Variants in PEX10 observed in about 807,000 individuals in gnomAD.
The protein encoded by PEX10 is peroxisome biogenesis factor 10.
PEX10 carries 32 observed loss-of-function variants against 38.0 expected under a neutral mutation model. That is an observed-to-expected ratio of 0.84 (90% CI 0.63 to 1.13). The LOEUF is 1.13. Among genes scored for constraint, PEX10 ranks in the 50% most tolerant of loss-of-function variants. The pLI is 0.00. For missense variants in PEX10, 483 were observed against 457.7 expected (o/e 1.06, Z -0.51); for synonymous variants, 206 against 207.3 (o/e 0.99, Z 0.05).
At chr1:2,407,270 A>G (rs1643042132) in intron 3 of PEX10, among the ~76,000 whole-genome samples, 1 of 152,244 alleles carries the variant, frequency 6.6e-6, no homozygotes, top group Non-Finnish European at 1.5e-5. Flanking sequence ...ACCCTGCTAC[A>G]GGGACCGAAG....
Position 2,405,567 on chromosome 1 carries a change from AGGCG to A in PEX10, c.*195_*198del. 5.8e-6 allele frequency: 4 copies of A among 687,826 alleles called. No homozygotes were observed. Among genetic ancestry groups the A allele is most frequent in the Non-Finnish European group, 8.0e-6 (3 of 376,646 alleles). The allele number at this position is 687,826 out of a possible 1,614,324, so 42.6% of individuals were successfully genotyped here. ...GGGGTTAGGGAAATGTTCTGGGTTCAGGCGCCCCTCCCAGGGCTGAGAAAGCGCA... is the reference window on the plus strand; with the variant it reads ...GGGGTTAGGGAAATGTTCTGGGTTCACCCCTCCCAGGGCTGAGAAAGCGCA... On this transcript the variant is annotated 3_prime_UTR_variant, in exon 6 of 6. Coordinates refer to ENST00000447513, the MANE Select transcript of PEX10 (RefSeq NM_002617.4).
chr1:2,406,970 C>T lies in PEX10; in HGVS notation c.601-75G>A, dbSNP rs369211467. On this transcript the variant is annotated intron_variant, in intron 3 of 5. Transcript: ENST00000447513. ...CTCAGCGCCTGCTGGGAGGGTCACACGTTCAGTTGGCACAGAGCACGTTAG... is the reference window on the plus strand; with the variant it reads ...CTCAGCGCCTGCTGGGAGGGTCACATGTTCAGTTGGCACAGAGCACGTTAG... The T allele has an allele frequency of 1.7e-5, 26 of 1,554,386 alleles. No homozygotes were observed. Among genetic ancestry groups the T allele is most frequent in the East Asian group, 2.4e-5 (1 of 41,424 alleles).
At position 2,408,616 on chromosome 1, in the gene PEX10, G is replaced by A. The variant is rs1184194956; in HGVS notation, c.436C>T (p.Arg146Cys). The change falls in exon 3 of 6, where the codon CGT (arginine) becomes TGT (cysteine). Residue 146 changes from arginine (R) to cysteine (C), a missense_variant. Transcript: ENST00000447513. ...TCAGTCAGGGTGGCCGTGTGGTGAC[G>A]CATCCAGCGCCGCGCCCCTGAGCAG... Reference protein sequence around the residue: ...RGCSGARRWMRHHTATLTEQQ... With the variant: ...RGCSGARRWMCHHTATLTEQQ... The A allele has an allele frequency of 9.9e-6, 16 of 1,610,642 alleles. No homozygotes were observed. The Middle Eastern group carries it at 5.0e-4, about 50-fold the overall frequency.
rs1643149812 is a variant in PEX10, at chr1:2,410,470, T to C, written c.113-19A>G. ...CTCGCACCTGAGAGGAGAAACAGTATTAGTCCGGGGGAGCTGGTGGGCATC... is the reference window on the plus strand; with the variant it reads ...CTCGCACCTGAGAGGAGAAACAGTACTAGTCCGGGGGAGCTGGTGGGCATC... On this transcript the variant is annotated intron_variant, in intron 1 of 5. Coordinates refer to ENST00000447513, the MANE Select transcript of PEX10 (RefSeq NM_002617.4). This position sits in a 1 kb window ranked among gnomAD's most constrained non-coding sequence, Gnocchi z 5.1. The C allele has an allele frequency of 6.2e-7, 1 of 1,611,620 alleles. No individual in the cohort carries two copies. Among genetic ancestry groups the C allele is most frequent in the African/African-American group, 1.3e-5 (1 of 74,994 alleles).
rs560099788 is a variant in PEX10, at chr1:2,408,751, C to T, written c.301G>A (p.Val101Ile). The T allele has an allele frequency of 3.9e-5, 63 of 1,613,924 alleles. No homozygotes were observed. Among genetic ancestry groups the T allele is most frequent in the African/African-American group, 6.7e-5 (5 of 75,046 alleles). ...GCCTTGTCCAGCAGGTAGGGCAGGA[C>T]GGCATGCAGTGTCACCAGCACGCCA... is the stretch of plus-strand genomic sequence containing the variant. ...RRGVLVTLHA[V>I]LPYLLDKALL... The change falls in exon 3 of 6, where the codon GTC becomes ATC. Residue 101 changes from valine to isoleucine, a missense_variant. By Grantham distance (29) the Val-to-Ile change is conservative. Transcript: ENST00000447513.
chr1:2,411,528 C>T (rs371200386), intron 1 of PEX10, among the ~76,000 whole-genome samples: 2 of 150,892 alleles, frequency 1.3e-5, no homozygotes, highest in African/African-American at 2.4e-5. Flanking sequence ...CCACCACACC[C>T]GGCATCTTTT....
chr1:2,410,222 C>G lies in PEX10; in HGVS notation c.193+149G>C. On this transcript the variant is annotated intron_variant, in intron 2 of 5. Transcript: ENST00000447513. This position sits in a 1 kb window ranked among gnomAD's most constrained non-coding sequence, Gnocchi z 5.1. The stretch of plus-strand genomic sequence containing the variant: ...CTGGGAGCAGATGCCTCGCCTCCCT[C>G]GGAGCAGTACCTCCTGCACTTCCCT... 1.4e-6 allele frequency: 1 copy of G among 713,178 alleles called. No homozygotes were observed. Among genetic ancestry groups the G allele is most frequent in the Non-Finnish European group, 2.5e-6 (1 of 394,622 alleles). The allele number at this position is 713,178 out of a possible 1,614,324, so 44.2% of individuals were successfully genotyped here.
intron 3 of PEX10, among the ~76,000 whole-genome samples, 168 bp downstream of exon 3, chr1:2,408,284 C>G (rs1199801599): frequency 1.3e-5 from 2 of 152,190 alleles, no homozygotes; most frequent in Non-Finnish European, 2.9e-5. Context: ...TAAACAAAAT[C>G]TGCTTTTTTT....
rs1022471292 is a variant in PEX10, at chr1:2,405,845, G to A, written c.913-11C>T. ...GAGGGGACACTCCGCCTGCGGAGAG[G>A]AGAAAGGGGGTCACAGCAGCTGGGG... On this transcript the variant is annotated splice_polypyrimidine_tract_variant and intron_variant, in intron 5 of 5. Transcript: ENST00000447513. 2 of 1,582,482 alleles carry A rather than the reference G, an allele frequency of 1.3e-6. No individual in the cohort carries two copies. Among genetic ancestry groups the A allele is most frequent in the Non-Finnish European group, 1.7e-6 (2 of 1,165,454 alleles).
In PEX10 at chr1:2,408,474, T is replaced by C. The variant is rs1299219456; in HGVS notation, c.578A>G (p.Lys193Arg). 3 of 1,613,024 alleles carry C rather than the reference T, an allele frequency of 1.9e-6. No individual in the cohort carries two copies. The highest frequency in any genetic ancestry group is 2.5e-6 in the Non-Finnish European group (3 of 1,180,000). Residue 193 changes from lysine (K) to arginine (R), a missense_variant, in exon 3 of 6, where the codon AAG (lysine) becomes AGG (arginine). Physicochemically the swap from Lys to Arg is conservative, Grantham distance 26 (BLOSUM62 2). Coordinates refer to ENST00000447513, the MANE Select transcript of PEX10 (RefSeq NM_002617.4). The part of the protein sequence containing the change: ...YIHGVFYHLA[K>R]RLTGITYLRV... ...TACGTACGTGATCCCCGTGAGCCTC[T>C]TGGCCAGGTGGTAGAAGACACCGTG...
rs2100442075 is a variant in PEX10, at chr1:2,412,552, C to T, written c.-50G>A. 1.6e-6 allele frequency: 2 copies of T among 1,265,318 alleles called. No individual in the cohort carries two copies. Among genetic ancestry groups the T allele is most frequent in the East Asian group, 6.5e-5 (2 of 30,652 alleles). The allele number at this position is 1,265,318 out of a possible 1,614,324, so 78.4% of individuals were successfully genotyped here. A position where few individuals can be genotyped will look rare whatever the true frequency, so the allele number is the denominator to read the frequency against. On this transcript the variant is annotated 5_prime_UTR_variant, in exon 1 of 6. Transcript: ENST00000447513. Reference sequence around the variant, plus strand: ...GCAGCCACGCCGGCCACGCCCACGCCCAGACGGGCGAGAACTGATGACGGC... The same window carrying T: ...GCAGCCACGCCGGCCACGCCCACGCTCAGACGGGCGAGAACTGATGACGGC...
chr1:2,404,789 G>A lies in PEX10; in HGVS notation c.*977C>T, dbSNP rs992114362. ...AACACTGCGCTTCAGGAAATCTCAA[G>A]TTCCATCTTGTGTTAGTAACGTACC... On this transcript the variant is annotated 3_prime_UTR_variant, in exon 6 of 6. Transcript: ENST00000447513. 6.6e-6 allele frequency: 1 copy of A among 152,432 alleles called. No individual in the cohort carries two copies. The highest frequency in any genetic ancestry group is 6.5e-5 in the Admixed American group (1 of 15,290). The allele number at this position is 152,432 out of a possible 1,614,324, so 9.4% of individuals were successfully genotyped here. A position where few individuals can be genotyped will look rare whatever the true frequency, so the allele number is the denominator to read the frequency against.
chr1:2,407,998 G>C (rs1643065586), intron 3 of PEX10, among the ~76,000 whole-genome samples: 1 of 151,704 alleles, frequency 6.6e-6, no homozygotes, highest in African/African-American at 2.4e-5. Flanking sequence ...CGTCTGATGG[G>C]GCAGACTGCT....
At chr1:2,412,071 G>A (rs1643250404) in intron 1 of PEX10, among the ~76,000 whole-genome samples, 1 of 152,256 alleles carries the variant, frequency 6.6e-6, no homozygotes, top group Non-Finnish European at 1.5e-5. Flanking sequence ...ACCTGGAGGG[G>A]ACAGAGTCTT....
intron 5 of PEX10, 145 bp downstream of exon 5, chr1:2,406,338 CT>C: frequency 9.4e-7 from 1 of 1,062,984 alleles, no homozygotes; most frequent in Non-Finnish European, 1.4e-6. Flanking sequence ...TCTGACCTAC[CT>C]GGGAGCCTTT....
In PEX10 at chr1:2,409,114, T is replaced by C. The variant is rs2100431198; in HGVS notation, c.194-256A>G. 6.6e-6 allele frequency among the ~76,000 whole-genome samples: 1 copy of C among 152,082 alleles called. No individual in the cohort carries two copies. The highest frequency in any genetic ancestry group is 1.5e-5 in the Non-Finnish European group (1 of 67,990). On this transcript the variant is annotated intron_variant, in intron 2 of 5. Transcript: ENST00000447513. This position sits in a 1 kb window ranked among gnomAD's most constrained non-coding sequence, Gnocchi z 6.2. ...CAGGGCCTTGGCTGGCCAGTGTCCCTCCCTCTCTTGGCTTCTCCCCAAGAG... is the reference window on the plus strand; with the variant it reads ...CAGGGCCTTGGCTGGCCAGTGTCCCCCCCTCTCTTGGCTTCTCCCCAAGAG...
In PEX10 at chr1:2,405,648, A is replaced by G. The variant is rs1642972792; in HGVS notation, c.*118T>C. ...CAGGGTGGCTAGGTTAGTATCTTAC[A>G]TGACAAAAAACTGAGAGTGTTCTAA... On this transcript the variant is annotated 3_prime_UTR_variant, in exon 6 of 6. Coordinates refer to ENST00000447513, the MANE Select transcript of PEX10 (RefSeq NM_002617.4). The G allele has an allele frequency of 7.4e-6, 7 of 949,770 alleles. No individual in the cohort carries two copies. The highest frequency in any genetic ancestry group is 2.8e-5 in the South Asian group (2 of 71,764). 58.8% of individuals were successfully genotyped at this position (949,770 alleles called of 1,614,324 possible).
rs1643106343 is a variant in PEX10, at chr1:2,409,117, C to T, written c.194-259G>A. On this transcript the variant is annotated intron_variant, in intron 2 of 5. Coordinates refer to ENST00000447513, the MANE Select transcript of PEX10 (RefSeq NM_002617.4). This position sits in a 1 kb window ranked among gnomAD's most constrained non-coding sequence, Gnocchi z 6.2. ...GGCCTTGGCTGGCCAGTGTCCCTCC[C>T]TCTCTTGGCTTCTCCCCAAGAGTCT... 6.6e-6 allele frequency among the ~76,000 whole-genome samples: 1 copy of T among 152,144 alleles called. No homozygotes were observed. Among genetic ancestry groups the T allele is most frequent in the Non-Finnish European group, 1.5e-5 (1 of 68,012 alleles).
intron 3 of PEX10, among the ~76,000 whole-genome samples, chr1:2,408,160 C>A (rs1570104308): frequency 6.6e-6 from 1 of 152,204 alleles, no homozygotes; most frequent in African/African-American, 2.4e-5. Context: ...TGACCCGGGG[C>A]CCCCCGGTCA....
Sources: allele counts gnomAD v4.1 joint callset (sites outside exome capture counted in the v4.1 genomes callset), GRCh38; gene constraint gnomAD v4.1.1; non-coding constraint Gnocchi (gnomAD v3.1); transcripts MANE v1.5; gene names NCBI Gene and HGNC (gene_info 2026-07-23, HGNC 2026-07-21).